ATP2B1: variants seen among roughly 807,000 people sequenced by gnomAD.
ATP2B1 encodes the protein ATPase plasma membrane Ca2+ transporting 1, also known as plasma membrane calcium-transporting ATPase 1.
In ATP2B1, 14 loss-of-function variants were observed where a neutral mutation model predicts 124.2. The observed-to-expected ratio is 0.11, with a 90% CI of 0.07 to 0.18. ATP2B1 has a LOEUF of 0.18. Ranked by LOEUF, ATP2B1 falls within the 10% of genes least tolerant of loss-of-function variation. The pLI is 1.00. For missense variants in ATP2B1, 763 were observed against 1,466.1 expected (o/e 0.52, Z 7.83); for synonymous variants, 449 against 492.4 (o/e 0.91, Z 1.17).
chr12:89,660,695 A>C (rs1370210643), intron 1 of ATP2B1, among the ~76,000 whole-genome samples: 1 of 152,254 alleles, frequency 6.6e-6, no homozygotes, highest in Non-Finnish European at 1.5e-5. Context: ...AAATACATGT[A>C]AACCCTTTGA....
At chr12:89,629,346 G>A (rs1881469304) in intron 6 of ATP2B1, among the ~76,000 whole-genome samples, 2 of 152,124 alleles carry the variant, frequency 1.3e-5, no homozygotes, top group South Asian at 4.1e-4. Flanking sequence ...ACAGTTGTGA[G>A]GATTAATGAG....
chr12:89,677,960 A>ATATATACG (rs1888831396), intron 1 of ATP2B1, among the ~76,000 whole-genome samples: 1 of 31,700 alleles, frequency 3.2e-5, no homozygotes, highest in Admixed American at 3.7e-4. Context: ...GGAATTATAT[A>ATATATACG]TATATATATA....
At chr12:89,672,579 G>A (rs1055895499) in intron 1 of ATP2B1, among the ~76,000 whole-genome samples, 4 of 151,930 alleles carry the variant, frequency 2.6e-5, no homozygotes, top group African/African-American at 7.3e-5. Flanking sequence ...CTCTTGCCTT[G>A]TACACGTCTC....
intron 2 of ATP2B1, among the ~76,000 whole-genome samples, chr12:89,651,963 A>G (rs1401919930): frequency 6.6e-6 from 1 of 152,228 alleles, no homozygotes; most frequent in African/African-American, 2.4e-5. Context: ...TCATAAGGAT[A>G]GCCTATCATT....
rs1314659847 is a variant in ATP2B1 at position 89,598,838 on chromosome 12, A to G, written c.3351+279T>C. 9.5e-6 allele frequency: 14 copies of G among 1,479,314 alleles called. No individual in the cohort carries two copies. In the East Asian group the frequency reaches 3.2e-4, roughly 34 times the overall value. 91.6% of individuals were successfully genotyped at this position (1,479,314 alleles called of 1,614,324 possible). A position where few individuals can be genotyped will look rare whatever the true frequency, so the allele number is the denominator to read the frequency against. ...CATCTATCAACATATAAAAAGAAAA[A>G]GGCACTTTTTACACAGCATATAGGC... On this transcript the variant is annotated intron_variant, in intron 20 of 20. Transcript: ENST00000428670.
intron 15 of ATP2B1, among the ~76,000 whole-genome samples, chr12:89,608,719 C>T (rs2135985225): frequency 6.6e-6 from 1 of 152,148 alleles, no homozygotes; most frequent in East Asian, 1.9e-4. Context: ...TTCTGGTCAG[C>T]TGTCAGAATG....
In ATP2B1 at chr12:89,603,113, C is replaced by A; in HGVS notation, c.2990G>T (p.Arg997Ile). The change falls in exon 18 of 21, where the codon AGA (arginine) becomes ATA (isoleucine). Residue 997 changes from arginine to isoleucine, a missense_variant. Transcript: ENST00000428670. This position sits in a 1 kb window ranked among gnomAD's most constrained non-coding sequence, Gnocchi z 4.3. ...EINARKIHGE[R>I]NVFEGIFNNA... is the part of the protein sequence containing the mutation. ...GTTAAAGATTCCTTCGAATACATTT[C>A]TTTCACCATGAATTTTCCGGGCATT... is the stretch of plus-strand genomic sequence containing the variant. 6.2e-7 allele frequency: 1 copy of A among 1,613,984 alleles called. No individual in the cohort carries two copies. The highest frequency in any genetic ancestry group is 8.5e-7 in the Non-Finnish European group (1 of 1,179,928).
At chr12:89,690,605 T>C (rs896522471) in intron 1 of ATP2B1, among the ~76,000 whole-genome samples, 2 of 151,990 alleles carry the variant, frequency 1.3e-5, no homozygotes, top group African/African-American at 4.8e-5. Context: ...AATAAACACG[T>C]ATTTTACCAT....
intron 20 of ATP2B1, among the ~76,000 whole-genome samples, chr12:89,598,039 C>CAAAAAAAAAAAAAAAAAAAAA (rs10661138): frequency 3.3e-5 from 2 of 60,548 alleles, no homozygotes; most frequent in Non-Finnish European, 5.5e-5. Context: ...CACAACCAAG[C>CAAAAAAAAAAAAAAAAAAAAA]AAAAAAAAAA....
At chr12:89,636,234 G>C (rs2037372) in intron 3 of ATP2B1, among the ~76,000 whole-genome samples, 144,745 of 152,088 alleles carry the variant, frequency 0.95, 68,953 homozygotes, top group East Asian at 0.99. Flanking sequence ...GTGGGGAGGG[G>C]GGAGAGAATG....
intron 3 of ATP2B1, among the ~76,000 whole-genome samples, chr12:89,641,597 T>A (rs547173941): frequency 6.6e-6 from 1 of 152,234 alleles, no homozygotes; most frequent in Non-Finnish European, 1.5e-5. Context: ...TGTGGCATCA[T>A]GTCGGCACTC....
chr12:89,643,265 T>C (rs565770833), intron 2 of ATP2B1, among the ~76,000 whole-genome samples: 75 of 151,358 alleles, frequency 5.0e-4, no homozygotes, highest in Non-Finnish European at 6.5e-4. Context: ...CATATACACA[T>C]ATATATATAT....
At chr12:89,635,322 A>G in intron 3 of ATP2B1, 71 bp from the exon 4 acceptor site, 1 of 1,481,984 alleles carries the variant, frequency 6.7e-7, no homozygotes, top group Admixed American at 2.1e-5. Flanking sequence ...TAGTACGTCT[A>G]AATCATATTT....
intron 6 of ATP2B1, among the ~76,000 whole-genome samples, chr12:89,629,055 C>T (rs1380393096): frequency 6.6e-6 from 1 of 151,956 alleles, no homozygotes; most frequent in Non-Finnish European, 1.5e-5. Context: ...GGGGAATGTT[C>T]TAGACTAGAT....
At chr12:89,664,165 A>T (rs2136448357) in intron 1 of ATP2B1, among the ~76,000 whole-genome samples, 1 of 152,276 alleles carries the variant, frequency 6.6e-6, no homozygotes, top group East Asian at 1.9e-4. Flanking sequence ...CTTATCCTAA[A>T]GGCCCAAGCA....
intron 19 of ATP2B1, among the ~76,000 whole-genome samples, chr12:89,600,983 C>T (rs556186701): frequency 6.6e-6 from 1 of 152,044 alleles, no homozygotes; most frequent in South Asian, 2.1e-4. Context: ...AAATTTTTTT[C>T]TGAAAATGTA....
chr12:89,597,516 TTAAG>T (rs1462088975), intron 20 of ATP2B1, among the ~76,000 whole-genome samples: 1 of 152,122 alleles, frequency 6.6e-6, no homozygotes, highest in Non-Finnish European at 1.5e-5. Context: ...GAAAATATAC[TTAAG>T]TAAATACGGA....
upstream of ATP2B1, chr12:89,709,284 G>A (rs568801759): frequency 2.5e-3 from 376 of 152,266 alleles, 3 homozygotes; most frequent in Admixed American, 7.7e-3. Context: ...TGGCGGCGCA[G>A]CTGCTCCCGC....
chr12:89,707,191 C>G (rs765815381), intron 1 of ATP2B1, among the ~76,000 whole-genome samples: 1 of 152,096 alleles, frequency 6.6e-6, no homozygotes, highest in Admixed American at 6.6e-5. Context: ...CAGGGAGTCT[C>G]GGGAAGGCTG....
Sources: gnomAD v4.1 joint callset for allele counts (sites outside exome capture counted in the v4.1 genomes callset) on GRCh38, gnomAD v4.1.1 for gene constraint, Gnocchi (gnomAD v3.1) non-coding constraint, MANE v1.5 for transcripts, NCBI Gene and HGNC (gene_info 2026-07-23, HGNC 2026-07-21) for gene names.